STON1: variants seen among roughly 807,000 people sequenced by gnomAD.
STON1 encodes stonin 1, also known as stonin-1.
In STON1, 79 loss-of-function variants were observed where a neutral mutation model predicts 60.9. The ratio of observed to expected loss-of-function variants is 1.30; its 90% CI spans 1.08 to 1.56. The LOEUF is 1.56. Among genes scored for constraint, STON1 ranks in the 40% most tolerant of loss-of-function variants. The probability of loss-of-function intolerance (pLI) is 0.00; values close to 1 mark genes in which losing one functional copy is unlikely to be tolerated. For missense variants in STON1, 1,166 were observed against 858.9 expected, an observed-to-expected ratio of 1.36 and a Z score of -4.47; for synonymous variants, 363 against 306.9, an observed-to-expected ratio of 1.18 and a Z score of -1.91.
intron 1 of STON1, among the ~76,000 whole-genome samples, chr2:48,538,320 T>A (rs1172160528): frequency 6.6e-6 from 1 of 152,186 alleles, no homozygotes; most frequent in East Asian, 1.9e-4. Flanking sequence ...TAAAATTTGG[T>A]AAAACTCATT....
intron 1 of STON1, among the ~76,000 whole-genome samples, chr2:48,543,613 C>T (rs1042721860): frequency 6.7e-6 from 1 of 148,152 alleles, no homozygotes; most frequent in Non-Finnish European, 1.5e-5. Context: ...CTCACTGCAA[C>T]CTTTGCCTCC....
At chr2:48,544,901 C>T (rs924126434) in intron 1 of STON1, among the ~76,000 whole-genome samples, 9 of 152,156 alleles carry the variant, frequency 5.9e-5, no homozygotes, top group Non-Finnish European at 1.0e-4. Context: ...AATGTTAACA[C>T]GAACGTAGAG....
intron 1 of STON1, among the ~76,000 whole-genome samples, chr2:48,573,856 C>A (rs1673339830): frequency 1.3e-5 from 2 of 152,288 alleles, no homozygotes; most frequent in East Asian, 3.9e-4. Context: ...AGGAAGGAAG[C>A]AGTGATATGT....
At chr2:48,536,573 T>C (rs1671440681) in intron 1 of STON1, among the ~76,000 whole-genome samples, 1 of 148,584 alleles carries the variant, frequency 6.7e-6, no homozygotes, top group Non-Finnish European at 1.5e-5. Context: ...AAAAAAAAAG[T>C]TAGAATAGTA....
intron 1 of STON1, among the ~76,000 whole-genome samples, chr2:48,541,159 T>C (rs970740411): frequency 1.3e-5 from 2 of 151,184 alleles, no homozygotes; most frequent in Non-Finnish European, 2.9e-5. Context: ...AAGACCAGCC[T>C]GGCCAACATG....
chr2:48,555,222 G>A (rs1257388827), intron 1 of STON1, among the ~76,000 whole-genome samples: 1 of 109,196 alleles, frequency 9.2e-6, no homozygotes, highest in Non-Finnish European at 1.9e-5. Flanking sequence ...ATCCTGGCCC[G>A]TTCTCAATGA....
chr2:48,554,116 CT>C (rs1672211385), intron 1 of STON1, among the ~76,000 whole-genome samples: 1 of 152,224 alleles, frequency 6.6e-6, no homozygotes. Flanking sequence ...TGGGCTGCAT[CT>C]GTTGGGAGCT....
intron 1 of STON1, among the ~76,000 whole-genome samples, chr2:48,544,468 G>T (rs1031765425): frequency 2.0e-5 from 3 of 152,174 alleles, no homozygotes; most frequent in Non-Finnish European, 4.4e-5. Context: ...TTTCTTCCTA[G>T]CTTATGGTAA....
chr2:48,570,888 A>G (rs558814537), intron 1 of STON1, among the ~76,000 whole-genome samples: 1 of 116,410 alleles, frequency 8.6e-6, no homozygotes, highest in Non-Finnish European at 1.6e-5. Context: ...CCCCAGACAG[A>G]GTCTTGCACT....
At chr2:48,546,173 G>A (rs1232038077) in intron 1 of STON1, among the ~76,000 whole-genome samples, 3 of 152,126 alleles carry the variant, frequency 2.0e-5, no homozygotes, top group African/African-American at 4.8e-5. Context: ...ATTCTGATTT[G>A]ACCCTGTTTA....
chr2:48,567,069 G>T (rs760380191), intron 1 of STON1, among the ~76,000 whole-genome samples: 1 of 152,166 alleles, frequency 6.6e-6, no homozygotes, highest in Non-Finnish European at 1.5e-5. Context: ...GTTAAATGCC[G>T]TAGGGGAGGG....
chr2:48,587,906 G>C (rs1021628104), intron 2 of STON1, among the ~76,000 whole-genome samples: 1 of 152,182 alleles, frequency 6.6e-6, no homozygotes, highest in African/African-American at 2.4e-5. Context: ...GGCCTGGCTT[G>C]GGGCAGGACA....
In STON1 at chr2:48,564,490, T is replaced by TTCTTCTTCTTCTTCTTCTTCC. The variant is rs1672798266; in HGVS notation, c.-47-16077_-47-16076insCTCTTCTTCTTCTTCTTCTTC. 9.3e-5 allele frequency among the ~76,000 whole-genome samples: 2 copies of TTCTTCTTCTTCTTCTTCTTCC among 21,544 alleles called. 1 individual carries two copies. The highest frequency in any genetic ancestry group is 1.8e-4 in the Non-Finnish European group (2 of 11,070). The allele number at this position is 21,544 out of a possible 152,430, so 14.1% of individuals were successfully genotyped here. A position where few individuals can be genotyped will look rare whatever the true frequency, so the allele number is the denominator to read the frequency against. On this transcript the variant is annotated intron_variant, in intron 1 of 3. Coordinates refer to ENST00000404752, the MANE Select transcript of STON1 (RefSeq NM_006873.4). Reference sequence around the variant, plus strand: ...TTCTTCTTCTTCTTCTTTCTTCTTCTTCTTCTTCTTCTTCTTCTTCTTCTT... The same window carrying TTCTTCTTCTTCTTCTTCTTCC: ...TTCTTCTTCTTCTTCTTTCTTCTTCTTCTTCTTCTTCTTCTTCTTCCTCTTCTTCTTCTTCTTCTTCTTCTT...
intron 1 of STON1, among the ~76,000 whole-genome samples, chr2:48,549,740 G>A (rs1455663972): frequency 6.7e-6 from 1 of 150,320 alleles, no homozygotes; most frequent in African/African-American, 2.4e-5. Flanking sequence ...TGAACTCAGG[G>A]GGACAGAGGT....
intron 1 of STON1, among the ~76,000 whole-genome samples, chr2:48,538,349 C>G (rs113510578): frequency 6.6e-6 from 1 of 152,118 alleles, no homozygotes; most frequent in African/African-American, 2.4e-5. Flanking sequence ...ATCTGAACCA[C>G]TTATAAAGGG....
chr2:48,544,070 TG>T (rs1349576947), intron 1 of STON1, among the ~76,000 whole-genome samples: 1 of 152,238 alleles, frequency 6.6e-6, no homozygotes, highest in African/African-American at 2.4e-5. Flanking sequence ...GTCATTTATC[TG>T]GGCCCTGTGG....
chr2:48,540,796 A>G lies in STON1; in HGVS notation c.-48+10580A>G, dbSNP rs143636480. 1.3e-3 allele frequency among the ~76,000 whole-genome samples: 193 copies of G among 152,190 alleles called. No homozygotes were observed. The East Asian group carries it at 0.017, about 13-fold the overall frequency. On this transcript the variant is annotated intron_variant, in intron 1 of 3. Transcript: ENST00000404752. ...AGTCTTGGGAACTAGCCCTCAGCCTATGGGATCTGACACTATCTCAGAGTA... is the reference window on the plus strand; with the variant it reads ...AGTCTTGGGAACTAGCCCTCAGCCTGTGGGATCTGACACTATCTCAGAGTA...
intron 1 of STON1, among the ~76,000 whole-genome samples, chr2:48,564,721 C>G (rs1161177464): frequency 1.4e-4 from 17 of 121,664 alleles, no homozygotes; most frequent in Admixed American, 8.7e-5. Flanking sequence ...TTTCTTCTTT[C>G]TTTCTTTCTT....
rs1482176877 is a variant in STON1, at chr2:48,582,465, C to G, written c.1832C>G (p.Ser611Cys). Reference protein sequence around the residue: ...ACLGSLQELESEPVIQVTVGS... With the variant: ...ACLGSLQELECEPVIQVTVGS... ...CTGGGGAGTTTACAGGAACTTGAAT[C>G]TGAACCTGTCATTCAAGTCACTGTG... is the stretch of plus-strand genomic sequence containing the variant. The change falls in exon 2 of 4, where the codon TCT becomes TGT. Residue 611 changes from serine (S) to cysteine (C), a missense_variant. By Grantham distance (112) the Ser-to-Cys change is moderately radical. Coordinates refer to ENST00000404752, the MANE Select transcript of STON1 (RefSeq NM_006873.4). The G allele has an allele frequency of 1.9e-6, 3 of 1,614,072 alleles. No individual in the cohort carries two copies. The highest frequency in any genetic ancestry group is 1.7e-5 in the Admixed American group (1 of 60,010).
Sources: allele counts gnomAD v4.1 joint callset (sites outside exome capture counted in the v4.1 genomes callset), GRCh38; gene constraint gnomAD v4.1.1; transcripts MANE v1.5; gene names NCBI Gene and HGNC (gene_info 2026-07-23, HGNC 2026-07-21).